WDPCP: variants seen among roughly 807,000 people sequenced by gnomAD.
WDPCP encodes the protein WD repeat-containing and planar cell polarity effector protein fritz homolog.
WDPCP carries 71 observed loss-of-function variants against 93.1 expected under a neutral mutation model. That is an observed-to-expected ratio of 0.76 (90% confidence interval 0.63 to 0.93). The LOEUF is 0.93. Among genes scored for constraint, WDPCP ranks in the 40% least tolerant of loss-of-function variants. The pLI is 0.00. For synonymous variants in WDPCP, 315 were observed against 315.0 expected, an observed-to-expected ratio of 1.00 and a Z score of 0.00; for missense variants, 844 against 887.4, an observed-to-expected ratio of 0.95 and a Z score of 0.62.
intron 14 of WDPCP, among the ~76,000 whole-genome samples, chr2:63,242,601 A>G (rs1679942969): frequency 4.6e-5 from 7 of 152,156 alleles, no homozygotes; most frequent in Admixed American, 4.6e-4. Context: ...TAGCCGTGGC[A>G]ACAGAGCGAG....
chr2:63,793,866 T>A (rs1288646669), intron 2 of WDPCP, among the ~76,000 whole-genome samples: 1 of 137,766 alleles, frequency 7.3e-6, no homozygotes, highest in Non-Finnish European at 1.5e-5. Context: ...ACTTAGTACT[T>A]ACATTGTGTG....
intron 17 of WDPCP, among the ~76,000 whole-genome samples, chr2:63,152,379 A>C (rs1021103810): frequency 6.6e-6 from 1 of 151,612 alleles, no homozygotes; most frequent in Non-Finnish European, 1.5e-5. Context: ...GGTTCAAGTA[A>C]TTCTCATGCC....
intron 2 of WDPCP, among the ~76,000 whole-genome samples, chr2:63,692,783 T>G (rs1361625229): frequency 3.3e-5 from 5 of 152,230 alleles, no homozygotes; most frequent in Non-Finnish European, 7.3e-5. Context: ...ACAGATATAC[T>G]GATTTCCCTT....
At chr2:63,394,820 C>T (rs1444333231) in intron 10 of WDPCP, among the ~76,000 whole-genome samples, 6 of 151,824 alleles carry the variant, frequency 4.0e-5, no homozygotes, top group South Asian at 2.1e-4. Context: ...CTCACTTATA[C>T]GTGGGAGCTA....
rs148472155 is a variant in WDPCP at position 63,751,431 on chromosome 2, T to A, written n.308+62191A>T. 3.4e-3 allele frequency among the ~76,000 whole-genome samples: 514 copies of A among 152,270 alleles called. 6 individuals are homozygous for A. The highest frequency in any genetic ancestry group is 0.012 in the African/African-American group (489 of 41,558). ...CATGGGTGCAAAAAAAAAATCTACA[T>A]TAAAACCCTTTCTTGGAATGCTGTA... On this transcript the variant is annotated intron_variant and non_coding_transcript_variant, in intron 2 of 4. Transcript: ENST00000467687.
At chr2:63,703,374 C>G (rs1669093571) in intron 2 of WDPCP, among the ~76,000 whole-genome samples, 1 of 152,118 alleles carries the variant, frequency 6.6e-6, no homozygotes, top group Non-Finnish European at 1.5e-5. Context: ...CACATCCTCT[C>G]CAGCACCTGT....
intron 2 of WDPCP, among the ~76,000 whole-genome samples, chr2:63,660,215 G>A (rs1256262432): frequency 6.6e-6 from 1 of 151,974 alleles, no homozygotes; most frequent in Non-Finnish European, 1.5e-5. Flanking sequence ...AGGACTACAA[G>A]TCCTAGATCA....
chr2:63,689,693 G>A (rs982224922), intron 2 of WDPCP, among the ~76,000 whole-genome samples: 8 of 152,072 alleles, frequency 5.3e-5, no homozygotes, highest in East Asian at 1.9e-4. Flanking sequence ...AAGTAGGCCC[G>A]ATCCAACATT....
intron 2 of WDPCP, among the ~76,000 whole-genome samples, chr2:63,786,979 G>T (rs938255152): frequency 2.0e-5 from 3 of 152,166 alleles, no homozygotes; most frequent in African/African-American, 4.8e-5. Context: ...GAATGACTGA[G>T]ACAATATGAA....
At chr2:63,335,014 G>A (rs888272835) in intron 12 of WDPCP, among the ~76,000 whole-genome samples, 1 of 152,136 alleles carries the variant, frequency 6.6e-6, no homozygotes, top group African/African-American at 2.4e-5. Flanking sequence ...CTGCCCAACT[G>A]AGTGAGACAA....
At chr2:63,363,224 A>G (rs1421244196) in intron 12 of WDPCP, among the ~76,000 whole-genome samples, 1 of 152,148 alleles carries the variant, frequency 6.6e-6, no homozygotes, top group African/African-American at 2.4e-5. Flanking sequence ...GATATGCATC[A>G]CCCTCCATAT....
intron 12 of WDPCP, among the ~76,000 whole-genome samples, chr2:63,364,026 C>T (rs966401804): frequency 3.3e-5 from 5 of 152,022 alleles, no homozygotes; most frequent in African/African-American, 7.3e-5. Context: ...ACTCCACCTC[C>T]GGCAACACAG....
chr2:63,735,330 A>G (rs1669623289), intron 2 of WDPCP, among the ~76,000 whole-genome samples: 1 of 152,152 alleles, frequency 6.6e-6, no homozygotes, highest in South Asian at 2.1e-4. Context: ...CTGTAAGGAG[A>G]GGTAGAATCT....
chr2:63,717,751 T>C, intron 2 of WDPCP: 1 of 388,670 alleles, frequency 2.6e-6, no homozygotes, highest in Non-Finnish European at 5.0e-6. Context: ...TACTGCGGTA[T>C]GATGGAGACG....
chr2:63,205,275 T>C (rs1356911729), intron 14 of WDPCP, among the ~76,000 whole-genome samples: 1 of 152,228 alleles, frequency 6.6e-6, no homozygotes, highest in Non-Finnish European at 1.5e-5. Flanking sequence ...TAAGGTAATA[T>C]GATTCTTTTT....
At chr2:63,485,115 A>G in intron 4 of WDPCP, 128 bp from the exon 5 acceptor site, 3 of 929,082 alleles carry the variant, frequency 3.2e-6, no homozygotes, top group Non-Finnish European at 5.0e-6. Flanking sequence ...CTTCATTTCC[A>G]TCATCAAATG....
intron 2 of WDPCP, among the ~76,000 whole-genome samples, chr2:63,806,104 A>C (rs1670758822): frequency 1.3e-5 from 2 of 152,148 alleles, no homozygotes; most frequent in South Asian, 4.1e-4. Flanking sequence ...ACAGAGTGAG[A>C]GCCTGTCTCA....
At chr2:63,667,775 C>T (rs1474927206) in intron 2 of WDPCP, among the ~76,000 whole-genome samples, 1 of 151,992 alleles carries the variant, frequency 6.6e-6, no homozygotes, top group Non-Finnish European at 1.5e-5. Context: ...ACTTGCTGCA[C>T]CCTCTGGATT....
chr2:63,708,553 T>A (rs1394575319), intron 2 of WDPCP, among the ~76,000 whole-genome samples: 1 of 152,142 alleles, frequency 6.6e-6, no homozygotes, highest in Admixed American at 6.5e-5. Flanking sequence ...GGAAAGGGAA[T>A]TCCCTCACCC....
Sources: gnomAD v4.1 joint callset for allele counts (sites outside exome capture counted in the v4.1 genomes callset) on GRCh38, gnomAD v4.1.1 for gene constraint, MANE v1.5 for transcripts, NCBI Gene and HGNC (gene_info 2026-07-23, HGNC 2026-07-21) for gene names.